Variants in RALGPS1 observed in about 807,000 individuals in gnomAD.
RALGPS1 encodes the protein Ral GEF with PH domain and SH3 binding motif 1.
In RALGPS1, 19 loss-of-function variants were observed where a neutral mutation model predicts 78.8. The observed-to-expected ratio is 0.24, with a 90% CI of 0.17 to 0.35. The LOEUF is 0.35. Among genes scored for constraint, RALGPS1 ranks in the 10% least tolerant of loss-of-function variants. The probability of loss-of-function intolerance (pLI) is 1.00; values close to 1 mark genes in which losing one functional copy is unlikely to be tolerated. For missense variants in RALGPS1, 454 were observed against 688.3 expected (o/e 0.66, Z 3.81); for synonymous variants, 228 against 256.3 (o/e 0.89, Z 1.06).
intron 8 of RALGPS1, among the ~76,000 whole-genome samples, chr9:127,119,085 G>T (rs1483230319): frequency 1.3e-5 from 2 of 152,138 alleles, no homozygotes; most frequent in Non-Finnish European, 2.9e-5. Context: ...AGAGTTTCCT[G>T]GTGCTGATGT....
intron 11 of RALGPS1, among the ~76,000 whole-genome samples, chr9:127,193,299 G>A (rs2061176343): frequency 6.6e-6 from 1 of 152,252 alleles, no homozygotes; most frequent in Non-Finnish European, 1.5e-5. Flanking sequence ...AAGAGTGGCA[G>A]CATTTGAAAG....
intron 8 of RALGPS1, 21 bp downstream of exon 8, chr9:127,069,377 A>T (rs780403048): frequency 6.2e-7 from 1 of 1,609,916 alleles, no homozygotes; most frequent in South Asian, 1.1e-5. Context: ...GAATTGGCTT[A>T]TTTTTTTTTA....
chr9:127,033,655 C>T (rs80129450), intron 4 of RALGPS1, among the ~76,000 whole-genome samples: 2 of 152,196 alleles, frequency 1.3e-5, no homozygotes, highest in Non-Finnish European at 1.5e-5. Context: ...ACAAGGCACA[C>T]ACTGAGAATG....
At chr9:126,982,510 AACC>A (rs1315348840) in intron 4 of RALGPS1, among the ~76,000 whole-genome samples, 1 of 152,200 alleles carries the variant, frequency 6.6e-6, no homozygotes, top group Admixed American at 6.5e-5. Context: ...TTAAAACAAC[AACC>A]ACCATTTTTG....
At chr9:127,166,490 T>A (rs1208520692) in intron 9 of RALGPS1, among the ~76,000 whole-genome samples, 1 of 152,190 alleles carries the variant, frequency 6.6e-6, no homozygotes, top group Non-Finnish European at 1.5e-5. Flanking sequence ...CTCAGGTCTT[T>A]CTGGCCCCTG....
chr9:126,942,833 CTTTGA>C (rs2036909474), intron 1 of RALGPS1, among the ~76,000 whole-genome samples: 1 of 151,982 alleles, frequency 6.6e-6, no homozygotes, highest in Non-Finnish European at 1.5e-5. Flanking sequence ...AATGTCTCTC[CTTTGA>C]TTTAAGTCTT....
intron 10 of RALGPS1, among the ~76,000 whole-genome samples, chr9:127,172,085 A>C (rs1016997891): frequency 1.2e-4 from 18 of 152,142 alleles, no homozygotes; most frequent in Admixed American, 1.0e-3. Context: ...CTTTATTTTA[A>C]TCAGTCCCTT....
intron 1 of RALGPS1, among the ~76,000 whole-genome samples, chr9:126,940,016 A>G (rs2036608168): frequency 6.6e-6 from 1 of 152,208 alleles, no homozygotes; most frequent in Non-Finnish European, 1.5e-5. Flanking sequence ...TGTACAAGCT[A>G]TTAATGATTA....
rs939118976 is a variant in RALGPS1 at position 127,205,519 on chromosome 9, C to T, written c.1247+6453C>T. On this transcript the variant is annotated intron_variant, in intron 14 of 18. Transcript: ENST00000259351. The surrounding 1 kb of genome is among the most constrained non-coding windows in gnomAD (Gnocchi z 4.0). The stretch of plus-strand genomic sequence containing the variant: ...CTTTTTGCTTGACTCTGTTTTCGAG[C>T]CCTGCCAGGCAGCTGTTGCTGCTTC... Among the ~76,000 whole-genome samples, 2 of 152,330 alleles carry T rather than the reference C, an allele frequency of 1.3e-5. No individual in the cohort carries two copies. Among genetic ancestry groups the T allele is most frequent in the Non-Finnish European group, 2.9e-5 (2 of 68,028 alleles).
chr9:127,090,445 GC>G (rs2052332181), intron 8 of RALGPS1, among the ~76,000 whole-genome samples: 1 of 152,222 alleles, frequency 6.6e-6, no homozygotes, highest in South Asian at 2.1e-4. Context: ...GCCCCTTCGG[GC>G]CAGGCCAGTT....
At chr9:127,028,865 A>C (rs1364561874) in intron 4 of RALGPS1, among the ~76,000 whole-genome samples, 1 of 152,154 alleles carries the variant, frequency 6.6e-6, no homozygotes, top group Admixed American at 6.5e-5. Flanking sequence ...CAGCCAGGGA[A>C]TCAGCCTGGT....
At chr9:126,944,173 C>T (rs2037039992) in intron 1 of RALGPS1, among the ~76,000 whole-genome samples, 3 of 152,198 alleles carry the variant, frequency 2.0e-5, no homozygotes, top group Admixed American at 6.5e-5. Context: ...TAGGCATGCA[C>T]GCAGGAGTCA....
rs1333083521 is a variant in RALGPS1, at chr9:127,218,171, C to T, written c.1645-569C>T. ...GCAGCTTTTGGGGGTGGCAGAAACA[C>T]TCTGACCTTGGGGCTAGTGGTCCCG... On this transcript the variant is annotated intron_variant, in intron 18 of 18. Transcript: ENST00000259351. This position sits in a 1 kb window ranked among gnomAD's most constrained non-coding sequence, Gnocchi z 4.4. Among the ~76,000 whole-genome samples the T allele has an allele frequency of 6.6e-6, 1 of 152,160 alleles. No homozygotes were observed. The highest frequency in any genetic ancestry group is 1.5e-5 in the Non-Finnish European group (1 of 68,028).
intron 1 of RALGPS1, among the ~76,000 whole-genome samples, chr9:126,936,976 G>A (rs2036324476): frequency 6.6e-6 from 1 of 151,624 alleles, no homozygotes; most frequent in African/African-American, 2.4e-5. Context: ...TTAGCCTCCC[G>A]AGTAGCTGGG....
intron 14 of RALGPS1, among the ~76,000 whole-genome samples, chr9:127,204,666 G>A (rs2061836246): frequency 6.6e-6 from 1 of 152,164 alleles, no homozygotes; most frequent in Non-Finnish European, 1.5e-5. Context: ...AGTGCTGTGG[G>A]GTGGTGCTGT....
At chr9:127,010,265 G>A (rs1352679352) in intron 4 of RALGPS1, among the ~76,000 whole-genome samples, 2 of 152,056 alleles carry the variant, frequency 1.3e-5, no homozygotes, top group African/African-American at 4.8e-5. Flanking sequence ...CTTCCTCATC[G>A]CTTTCTCCTG....
intron 8 of RALGPS1, among the ~76,000 whole-genome samples, chr9:127,073,564 T>C (rs915020006): frequency 1.3e-5 from 2 of 152,150 alleles, no homozygotes; most frequent in African/African-American, 4.8e-5. Flanking sequence ...TGAATACTGC[T>C]GCAATAAACA....
chr9:127,040,000 G>A (rs954624552), intron 5 of RALGPS1, among the ~76,000 whole-genome samples: 3 of 152,230 alleles, frequency 2.0e-5, no homozygotes, highest in Non-Finnish European at 2.9e-5. Flanking sequence ...CAGCCTAGGA[G>A]TAGGTGCATG....
At chr9:127,016,653 T>G (rs1395282768) in intron 4 of RALGPS1, 3 of 152,190 alleles carry the variant, frequency 2.0e-5, no homozygotes, top group African/African-American at 7.2e-5. Context: ...CCTACCTCCT[T>G]TTGCAGGAGT....
Sources: allele counts gnomAD v4.1 joint callset (sites outside exome capture counted in the v4.1 genomes callset), GRCh38; gene constraint gnomAD v4.1.1; non-coding constraint Gnocchi (gnomAD v3.1); transcripts MANE v1.5; gene names NCBI Gene and HGNC (gene_info 2026-07-23, HGNC 2026-07-21).